DLG2: variants seen among roughly 807,000 people sequenced by gnomAD.
DLG2 encodes discs large MAGUK scaffold protein 2, also known as disks large homolog 2.
Under a neutral mutation model 132.5 loss-of-function variants are expected in DLG2, and 45 were observed. The ratio of observed to expected loss-of-function variants is 0.34; its 90% CI spans 0.27 to 0.44. DLG2 has a LOEUF of 0.44. DLG2 is among the 20% of genes least tolerant of loss of function. The probability of loss-of-function intolerance (pLI) is 1.00; values close to 1 mark genes in which losing one functional copy is unlikely to be tolerated. For synonymous variants in DLG2, 424 were observed against 419.6 expected (o/e 1.01, Z -0.13); for missense variants, 1,045 against 1,196.9 (o/e 0.87, Z 1.87).
At chr11:85,407,170 A>T (rs559659961) in intron 3 of DLG2, among the ~76,000 whole-genome samples, 1 of 151,912 alleles carries the variant, frequency 6.6e-6, no homozygotes, top group African/African-American at 2.4e-5. Context: ...CAAATCATGT[A>T]TGATGTTTCA....
intron 17 of DLG2, among the ~76,000 whole-genome samples, chr11:83,830,575 G>A (rs533482824): frequency 3.9e-5 from 6 of 152,230 alleles, no homozygotes; most frequent in Admixed American, 3.3e-4. Context: ...TACCATGTAA[G>A]TATTAGTTCT....
intron 7 of DLG2, among the ~76,000 whole-genome samples, chr11:84,402,265 A>G (rs1171265525): frequency 2.0e-5 from 3 of 152,178 alleles, no homozygotes; most frequent in East Asian, 3.9e-4. Context: ...GAGGAATAAA[A>G]TGTATCTATA....
At chr11:83,738,808 T>C (rs2092245020) in intron 18 of DLG2, among the ~76,000 whole-genome samples, 2 of 152,082 alleles carry the variant, frequency 1.3e-5, no homozygotes, top group Non-Finnish European at 2.9e-5. Flanking sequence ...TGATGGGTCC[T>C]TGTTGTCTGC....
intron 3 of DLG2, among the ~76,000 whole-genome samples, chr11:85,535,828 A>G (rs1287924623): frequency 2.6e-5 from 4 of 152,368 alleles, no homozygotes; most frequent in Admixed American, 1.3e-4. Flanking sequence ...AAGTACTGAT[A>G]CATGCTACAT....
At chr11:84,817,765 T>C (rs533006163) in intron 6 of DLG2, among the ~76,000 whole-genome samples, 3 of 152,082 alleles carry the variant, frequency 2.0e-5, no homozygotes, top group African/African-American at 7.2e-5. Context: ...ACCTTGAATG[T>C]CATCAAAAAA....
intron 4 of DLG2, among the ~76,000 whole-genome samples, chr11:85,269,927 G>T (rs1015151704): frequency 6.6e-6 from 1 of 152,042 alleles, no homozygotes; most frequent in Admixed American, 6.6e-5. Context: ...AATGTTATAA[G>T]AATTAAATGA....
chr11:85,316,608 C>G (rs1399123756), intron 3 of DLG2, among the ~76,000 whole-genome samples: 1 of 151,840 alleles, frequency 6.6e-6, no homozygotes, highest in Admixed American at 6.6e-5. Flanking sequence ...TGCTCTTAGC[C>G]AATGCCTCTC....
chr11:84,868,751 A>G (rs1381775964), intron 6 of DLG2, among the ~76,000 whole-genome samples: 1 of 152,216 alleles, frequency 6.6e-6, no homozygotes, highest in African/African-American at 2.4e-5. Context: ...CGACGTTGCC[A>G]ATATCTCAGA....
chr11:85,085,306 T>C (rs902976234), intron 6 of DLG2, among the ~76,000 whole-genome samples: 21 of 152,114 alleles, frequency 1.4e-4, no homozygotes, highest in Middle Eastern at 3.2e-3. Flanking sequence ...CTTCTAAAAT[T>C]AGTCTTAGAT....
intron 3 of DLG2, among the ~76,000 whole-genome samples, chr11:85,361,131 A>G (rs1394991120): frequency 1.3e-5 from 2 of 152,108 alleles, no homozygotes; most frequent in African/African-American, 4.8e-5. Flanking sequence ...GCCAGATCCC[A>G]GACCCCAGAT....
chr11:85,289,032 A>G (rs1035432567), intron 3 of DLG2, among the ~76,000 whole-genome samples: 1 of 152,010 alleles, frequency 6.6e-6, no homozygotes, highest in African/African-American at 2.4e-5. Flanking sequence ...AATCTTCATT[A>G]ATTTATACCC....
At chr11:84,615,989 A>G (rs1321134508) in intron 6 of DLG2, among the ~76,000 whole-genome samples, 1 of 152,018 alleles carries the variant, frequency 6.6e-6, no homozygotes, top group African/African-American at 2.4e-5. Flanking sequence ...GGAATTTACC[A>G]TTCAGTGATC....
At position 85,472,086 on chromosome 11, in the gene DLG2, G is replaced by A. The variant is rs373428141; in HGVS notation, c.40+126571C>T. 9.9e-5 allele frequency among the ~76,000 whole-genome samples: 15 copies of A among 152,210 alleles called. No homozygotes were observed. The East Asian group carries it at 2.9e-3, about 29-fold the overall frequency. On this transcript the variant is annotated intron_variant, in intron 3 of 27. Coordinates refer to ENST00000376104, the MANE Select transcript of DLG2 (RefSeq NM_001142699.3). ...AGACAAATTAAAGCCTGAAAACCAAGCTGCCAGTCTGGGTGAAGTCCCTGA... is the reference window on the plus strand; with the variant it reads ...AGACAAATTAAAGCCTGAAAACCAAACTGCCAGTCTGGGTGAAGTCCCTGA...
chr11:83,525,753 C>T (rs1189014803), intron 21 of DLG2, among the ~76,000 whole-genome samples: 2 of 152,152 alleles, frequency 1.3e-5, no homozygotes, highest in Admixed American at 1.3e-4. Context: ...CTGGCCATTC[C>T]AAGACCGGCT....
chr11:85,090,363 C>G (rs1003390837), intron 6 of DLG2, among the ~76,000 whole-genome samples: 1 of 152,160 alleles, frequency 6.6e-6, no homozygotes, highest in African/African-American at 2.4e-5. Flanking sequence ...AATGATATTT[C>G]CAACATTTGA....
intron 3 of DLG2, among the ~76,000 whole-genome samples, chr11:85,351,115 G>A (rs1364421568): frequency 6.6e-6 from 1 of 152,122 alleles, no homozygotes; most frequent in Non-Finnish European, 1.5e-5. Flanking sequence ...TCCTTGAAGA[G>A]GTCCTTCACA....
chr11:84,151,969 T>C (rs1198043695), intron 9 of DLG2, among the ~76,000 whole-genome samples: 2 of 152,196 alleles, frequency 1.3e-5, no homozygotes. Flanking sequence ...GTAAAGCATG[T>C]AGTAGATCTT....
intron 6 of DLG2, among the ~76,000 whole-genome samples, chr11:84,819,107 A>ACACACACACACACACACACACACACAC (rs58113219): frequency 8.0e-6 from 1 of 125,560 alleles, no homozygotes; most frequent in Admixed American, 7.8e-5. Context: ...ACACACACAC[A>ACACACACACACACACACACACACACAC]ATTTCGTTTG....
chr11:84,265,485 G>C (rs975764129), intron 7 of DLG2, among the ~76,000 whole-genome samples: 1 of 152,116 alleles, frequency 6.6e-6, no homozygotes, highest in East Asian at 1.9e-4. Context: ...AATAAAAACT[G>C]AACTCGGATT....
Sources: allele counts gnomAD v4.1 joint callset (sites outside exome capture counted in the v4.1 genomes callset), GRCh38; gene constraint gnomAD v4.1.1; transcripts MANE v1.5; gene names NCBI Gene and HGNC (gene_info 2026-07-23, HGNC 2026-07-21).